CPQ: variants seen among roughly 807,000 people sequenced by gnomAD.
CPQ encodes the protein carboxypeptidase Q.
A neutral mutation model predicts 45.7 loss-of-function variants in CPQ; 37 were observed. The ratio of observed to expected loss-of-function variants is 0.81; its 90% CI spans 0.62 to 1.07. CPQ has a LOEUF of 1.07. Among genes scored for constraint, CPQ ranks in the 50% least tolerant of loss-of-function variants. The probability of loss-of-function intolerance (pLI) is 0.00; values close to 1 mark genes in which losing one functional copy is unlikely to be tolerated. For missense variants in CPQ, 537 were observed against 572.9 expected, an observed-to-expected ratio of 0.94 and a Z score of 0.64; for synonymous variants, 186 against 205.8, an observed-to-expected ratio of 0.90 and a Z score of 0.82.
intron 1 of CPQ, among the ~76,000 whole-genome samples, chr8:96,684,097 T>C (rs1809191307): frequency 1.3e-5 from 2 of 152,206 alleles, no homozygotes; most frequent in East Asian, 1.9e-4. Context: ...TGAAGTGTCA[T>C]GTTTCTTTGC....
At chr8:97,038,868 T>G (rs547452703) in intron 6 of CPQ, among the ~76,000 whole-genome samples, 14 of 147,458 alleles carry the variant, frequency 9.5e-5, no homozygotes, top group African/African-American at 3.5e-4. Context: ...GCAGGTCAGA[T>G]AGTTTACTGA....
intron 4 of CPQ, among the ~76,000 whole-genome samples, chr8:96,896,975 A>C (rs1445113751): frequency 6.6e-6 from 1 of 152,168 alleles, no homozygotes; most frequent in African/African-American, 2.4e-5. Context: ...TTATCCCAAC[A>C]GAGAAAGATA....
intron 1 of CPQ, among the ~76,000 whole-genome samples, chr8:96,668,729 G>C (rs928164391): frequency 6.6e-6 from 1 of 152,108 alleles, no homozygotes; most frequent in African/African-American, 2.4e-5. Flanking sequence ...CTGAAAGGTG[G>C]AGAGAATAAG....
chr8:96,645,757 C>T (rs1299082761), intron 1 of CPQ, among the ~76,000 whole-genome samples: 1 of 151,800 alleles, frequency 6.6e-6, no homozygotes, highest in East Asian at 2.0e-4. Context: ...CCCAAGCCGC[C>T]CCCTTCATCC....
At chr8:96,702,070 T>A (rs1235491621) in intron 1 of CPQ, among the ~76,000 whole-genome samples, 7 of 152,222 alleles carry the variant, frequency 4.6e-5, no homozygotes. Flanking sequence ...GAAGTTGTGC[T>A]GGCAAGATGG....
intron 3 of CPQ, among the ~76,000 whole-genome samples, chr8:96,878,567 A>T (rs1287499336): frequency 6.6e-6 from 1 of 152,212 alleles, no homozygotes; most frequent in Non-Finnish European, 1.5e-5. Flanking sequence ...GAACCCAAGC[A>T]GTCTTGTTCC....
intron 4 of CPQ, among the ~76,000 whole-genome samples, chr8:96,899,689 C>T (rs1038725731): frequency 1.4e-5 from 2 of 145,732 alleles, no homozygotes; most frequent in Non-Finnish European, 3.1e-5. Flanking sequence ...AGCACCAAGC[C>T]ATGAGGAATC....
chr8:96,771,967 A>G (rs984731597), intron 1 of CPQ, among the ~76,000 whole-genome samples: 2 of 152,058 alleles, frequency 1.3e-5, no homozygotes, highest in Non-Finnish European at 2.9e-5. Flanking sequence ...ATGAGTTCAC[A>G]GTTTAGTGGA....
intron 7 of CPQ, among the ~76,000 whole-genome samples, chr8:97,138,944 C>CAAGA (rs138481002): frequency 0.012 from 1,779 of 150,760 alleles, 29 homozygotes; most frequent in African/African-American, 0.041. Flanking sequence ...CAAAAGAAGG[C>CAAGA]AAGAAAGAAA....
At chr8:97,042,928 G>A (rs9694261) in intron 6 of CPQ, among the ~76,000 whole-genome samples, 85,931 of 151,840 alleles carry the variant, frequency 0.57, 26,562 homozygotes, top group Non-Finnish European at 0.7. Flanking sequence ...TTTTTGAATC[G>A]GTGTGGTGTG....
rs74719147 is a variant in CPQ, at chr8:96,722,029, G to C, written c.-34-62835G>C. The stretch of plus-strand genomic sequence containing the variant: ...GTTTTATGTTTCATACACTACCCTG[G>C]TGTCATTATTAACAGTTCTTTTTTT... On this transcript the variant is annotated intron_variant, in intron 1 of 7. Coordinates refer to ENST00000220763, the MANE Select transcript of CPQ (RefSeq NM_016134.4). Among the ~76,000 whole-genome samples the C allele has an allele frequency of 2.9e-4, 44 of 152,126 alleles. No homozygotes were observed. The East Asian group carries it at 7.0e-3, about 24-fold the overall frequency.
At chr8:97,073,077 T>C (rs1242195698) in intron 7 of CPQ, among the ~76,000 whole-genome samples, 1 of 152,190 alleles carries the variant, frequency 6.6e-6, no homozygotes, top group Admixed American at 6.6e-5. Flanking sequence ...CCTCTTTCAT[T>C]GCATATTGTG....
intron 2 of CPQ, among the ~76,000 whole-genome samples, chr8:96,803,692 G>C (rs1811037406): frequency 6.6e-6 from 1 of 151,670 alleles, no homozygotes; most frequent in South Asian, 2.1e-4. Flanking sequence ...GACCAGTGTA[G>C]TCACTGATCC....
At chr8:96,888,299 G>C (rs1307709422) in intron 4 of CPQ, among the ~76,000 whole-genome samples, 1 of 152,048 alleles carries the variant, frequency 6.6e-6, no homozygotes, top group African/African-American at 2.4e-5. Flanking sequence ...CTTTGGTTCT[G>C]GTTTTATTTC....
chr8:96,790,138 G>C (rs142871274), intron 2 of CPQ, among the ~76,000 whole-genome samples: 1 of 152,090 alleles, frequency 6.6e-6, no homozygotes. Context: ...GGAATTCTCC[G>C]TTCTCTGCAC....
intron 1 of CPQ, among the ~76,000 whole-genome samples, 180 bp from the exon 2 acceptor site, chr8:96,784,684 G>T (rs559535873): frequency 1.3e-5 from 2 of 152,224 alleles, no homozygotes; most frequent in Admixed American, 6.5e-5. Context: ...TTTAAGGGAG[G>T]TCAATCGTTG....
chr8:96,699,790 C>T (rs932169035), intron 1 of CPQ, among the ~76,000 whole-genome samples: 1 of 152,116 alleles, frequency 6.6e-6, no homozygotes, highest in African/African-American at 2.4e-5. Flanking sequence ...TAACTGGGGT[C>T]AGACACCTCC....
chr8:97,078,061 T>C (rs1810878559), intron 7 of CPQ, among the ~76,000 whole-genome samples: 1 of 152,218 alleles, frequency 6.6e-6, no homozygotes, highest in African/African-American at 2.4e-5. Flanking sequence ...GTGTCATTAT[T>C]AACTGATGGA....
intron 5 of CPQ, among the ~76,000 whole-genome samples, chr8:96,983,720 GCTTTATA>G (rs1813947057): frequency 6.6e-6 from 1 of 151,702 alleles, no homozygotes; most frequent in Non-Finnish European, 1.5e-5. Flanking sequence ...GGGTTTTATT[GCTTTATA>G]CAGTTTAGCC....
Sources: allele counts gnomAD v4.1 joint callset (sites outside exome capture counted in the v4.1 genomes callset), GRCh38; gene constraint gnomAD v4.1.1; transcripts MANE v1.5; gene names NCBI Gene and HGNC (gene_info 2026-07-23, HGNC 2026-07-21).